Variants in PSD3 observed in about 807,000 individuals in gnomAD.
PSD3 encodes the protein pleckstrin and Sec7 domain containing 3.
Under a neutral mutation model 105.5 loss-of-function variants are expected in PSD3, and 49 were observed. The ratio of observed to expected loss-of-function variants is 0.46; its 90% confidence interval spans 0.37 to 0.59. The LOEUF is 0.59. Among genes scored for constraint, PSD3 ranks in the 20% least tolerant of loss-of-function variants. The pLI is 0.00. For synonymous variants in PSD3, 557 were observed against 457.8 expected (o/e 1.22, Z -2.77); for missense variants, 1,561 against 1,263.8 (o/e 1.24, Z -3.57).
At position 18,850,647 on chromosome 8, in the gene PSD3, A is replaced by G. The variant is rs530731812; in HGVS notation, c.1634+17027T>C. ...AATTGCCCAGTAAGACGGTGAATAC[A>G]GCAAGGTAAAGGAGAAGTAGAAAAG... On this transcript the variant is annotated intron_variant, in intron 4 of 15. Transcript: ENST00000327040. 5.3e-5 allele frequency among the ~76,000 whole-genome samples: 8 copies of G among 152,212 alleles called. No homozygotes were observed. In the South Asian group the frequency reaches 1.2e-3, roughly 24 times the overall value.
In PSD3 at chr8:19,004,004, AG is replaced by A. The variant is rs1269992593; in HGVS notation, c.21+9558del. Among the ~76,000 whole-genome samples the A allele has an allele frequency of 2.0e-5, 3 of 152,086 alleles. No individual in the cohort carries two copies. In the East Asian group the frequency reaches 5.8e-4, roughly 29 times the overall value. Reference sequence around the variant, plus strand: ...GGGTGATTAGGAAGACTGCTCCTTCAGAACCACTGTACCAGAATCTTCAGGC... The same window carrying A: ...GGGTGATTAGGAAGACTGCTCCTTCAAACCACTGTACCAGAATCTTCAGGC... On this transcript the variant is annotated intron_variant, in intron 1 of 15. Transcript: ENST00000327040.
At chr8:18,765,812 C>CA (rs2129443711) in intron 8 of PSD3, among the ~76,000 whole-genome samples, 1 of 151,934 alleles carries the variant, frequency 6.6e-6, no homozygotes, top group Admixed American at 6.6e-5. Flanking sequence ...ACTAAAAATA[C>CA]AAAGAATTAG....
intron 9 of PSD3, among the ~76,000 whole-genome samples, chr8:18,699,867 A>C (rs752681391): frequency 1.6e-4 from 23 of 142,796 alleles, no homozygotes; most frequent in Non-Finnish European, 2.8e-4. Context: ...ATCCCCACCC[A>C]AAAAAAAAAA....
At chr8:18,958,402 T>C (rs530514526) in intron 1 of PSD3, among the ~76,000 whole-genome samples, 9 of 152,346 alleles carry the variant, frequency 5.9e-5, no homozygotes, top group Non-Finnish European at 1.2e-4. Context: ...CATGTATTAC[T>C]ATTTCCCTTT....
intron 9 of PSD3, among the ~76,000 whole-genome samples, chr8:18,739,220 A>G (rs1280290901): frequency 6.6e-6 from 1 of 152,200 alleles, no homozygotes; most frequent in African/African-American, 2.4e-5. Context: ...ATAATCAGTA[A>G]CAAGGAAGCA....
chr8:18,740,192 A>T (rs112853454), intron 9 of PSD3, among the ~76,000 whole-genome samples: 1 of 152,108 alleles, frequency 6.6e-6, no homozygotes. Flanking sequence ...CTGATCTCCG[A>T]CTGGCCCGCA....
chr8:18,769,401 C>T (rs185571205), intron 8 of PSD3, among the ~76,000 whole-genome samples: 30 of 152,112 alleles, frequency 2.0e-4, no homozygotes, highest in East Asian at 1.7e-3. Context: ...AGTATAAAAA[C>T]GAAAATTTTT....
At chr8:18,658,228 C>T (rs1809044629) in intron 9 of PSD3, among the ~76,000 whole-genome samples, 1 of 152,146 alleles carries the variant, frequency 6.6e-6, no homozygotes, top group South Asian at 2.1e-4. Flanking sequence ...AAGAATTTTC[C>T]TTGTTCTTTG....
At chr8:19,003,548 T>C (rs1826509967) in intron 1 of PSD3, among the ~76,000 whole-genome samples, 1 of 151,924 alleles carries the variant, frequency 6.6e-6, no homozygotes, top group East Asian at 1.9e-4. Flanking sequence ...TTTCTCCCCA[T>C]TGAGTTTCAT....
intron 1 of PSD3, among the ~76,000 whole-genome samples, chr8:18,958,447 T>C (rs1823715128): frequency 1.3e-5 from 2 of 152,228 alleles, no homozygotes; most frequent in Admixed American, 1.3e-4. Flanking sequence ...TATCTATTTA[T>C]TTACTTTTGG....
At chr8:18,910,000 T>C (rs1026493438) in intron 2 of PSD3, among the ~76,000 whole-genome samples, 2 of 152,136 alleles carry the variant, frequency 1.3e-5, no homozygotes, top group African/African-American at 4.8e-5. Flanking sequence ...AGAAGGAATT[T>C]AGATGTTTCA....
chr8:19,041,873 T>C (rs184967146), intron 1 of PSD3, among the ~76,000 whole-genome samples: 240 of 152,342 alleles, frequency 1.6e-3, no homozygotes, highest in African/African-American at 5.5e-3. Context: ...TATGTGGCTT[T>C]ACAGAGGGTT....
In PSD3 at chr8:18,845,964, C is replaced by T. The variant is rs561064820; in HGVS notation, c.1634+21710G>A. Among the ~76,000 whole-genome samples, 17 of 152,260 alleles carry T rather than the reference C, an allele frequency of 1.1e-4. No homozygotes were observed. The South Asian group carries it at 2.3e-3, about 20-fold the overall frequency. On this transcript the variant is annotated intron_variant, in intron 4 of 15. Coordinates refer to ENST00000327040, the MANE Select transcript of PSD3 (RefSeq NM_015310.4). ...GTAATAATCTCCACTCAATACTGTT[C>T]GCCTAAATCAATGGTATGAGCCTAG...
chr8:18,591,255 T>A (rs1202853574), intron 12 of PSD3, among the ~76,000 whole-genome samples: 9 of 152,062 alleles, frequency 5.9e-5, no homozygotes, highest in Admixed American at 5.9e-4. Context: ...CCCTGACATC[T>A]CTGATGGGGG....
chr8:18,983,426 A>C (rs1286404060), intron 1 of PSD3, among the ~76,000 whole-genome samples: 2 of 152,212 alleles, frequency 1.3e-5, no homozygotes, highest in African/African-American at 4.8e-5. Flanking sequence ...CTGTTGGTGC[A>C]AGAGACCTAG....
intron 1 of PSD3, among the ~76,000 whole-genome samples, chr8:19,062,132 G>A (rs1005610470): frequency 1.6e-4 from 24 of 152,268 alleles, no homozygotes; most frequent in African/African-American, 5.1e-4. Context: ...CTCAATCAAT[G>A]GTTTAAATAT....
intron 8 of PSD3, among the ~76,000 whole-genome samples, chr8:18,783,421 G>A (rs1808829752): frequency 1.3e-5 from 2 of 151,898 alleles, no homozygotes; most frequent in African/African-American, 4.8e-5. Context: ...TGATTTCATT[G>A]CTTTTTCTCT....
chr8:18,789,273 C>T (rs1420712872), intron 8 of PSD3, among the ~76,000 whole-genome samples: 1 of 152,086 alleles, frequency 6.6e-6, no homozygotes, highest in Non-Finnish European at 1.5e-5. Flanking sequence ...GTAGAGTTTT[C>T]TAGAAGATGC....
intron 9 of PSD3, among the ~76,000 whole-genome samples, chr8:18,744,974 G>C (rs1455705549): frequency 6.6e-6 from 1 of 152,150 alleles, no homozygotes; most frequent in South Asian, 2.1e-4. Flanking sequence ...TTTGGCTGCT[G>C]TTTTCTCATG....
Sources: allele counts gnomAD v4.1 joint callset (sites outside exome capture counted in the v4.1 genomes callset), GRCh38; gene constraint gnomAD v4.1.1; transcripts MANE v1.5; gene names NCBI Gene and HGNC (gene_info 2026-07-23, HGNC 2026-07-21).